The following PDZRN3 variants were observed in gnomAD, a reference collection of about 807,000 sequenced individuals.
PDZRN3 encodes E3 ubiquitin-protein ligase PDZRN3.
Under a neutral mutation model 85.7 loss-of-function variants are expected in PDZRN3, and 38 were observed. That is an observed-to-expected ratio of 0.44 (90% CI 0.34 to 0.58). PDZRN3 has a LOEUF of 0.58. Among genes scored for constraint, PDZRN3 ranks in the 20% least tolerant of loss-of-function variants. The probability of loss-of-function intolerance (pLI) is 0.01; values close to 1 mark genes in which losing one functional copy is unlikely to be tolerated. For missense variants in PDZRN3, 1,629 were observed against 1,506.4 expected (o/e 1.08, Z -1.35); for synonymous variants, 759 against 638.0 (o/e 1.19, Z -2.86).
intron 3 of PDZRN3, among the ~76,000 whole-genome samples, chr3:73,465,543 A>C (rs1703195789): frequency 1.3e-5 from 2 of 152,246 alleles, no homozygotes; most frequent in African/African-American, 4.8e-5. Context: ...AAGGGACAGA[A>C]GTTGATGAAC....
chr3:73,505,218 C>T (rs1050706908), intron 3 of PDZRN3, among the ~76,000 whole-genome samples: 1 of 152,176 alleles, frequency 6.6e-6, no homozygotes, highest in Non-Finnish European at 1.5e-5. Context: ...TAACTGGTTA[C>T]CCACGAATAA....
intron 3 of PDZRN3, among the ~76,000 whole-genome samples, chr3:73,409,633 A>G (rs1461445548): frequency 6.6e-6 from 1 of 152,114 alleles, no homozygotes; most frequent in East Asian, 1.9e-4. Context: ...CGAGTGACTC[A>G]GAGACTACAC....
chr3:73,486,039 C>G (rs1436776419), intron 3 of PDZRN3, among the ~76,000 whole-genome samples: 3 of 152,184 alleles, frequency 2.0e-5, no homozygotes, highest in African/African-American at 7.2e-5. Context: ...TGCGGCTGAG[C>G]AGATTTTGTG....
chr3:73,462,394 A>C (rs182246352), intron 3 of PDZRN3, among the ~76,000 whole-genome samples: 171 of 152,112 alleles, frequency 1.1e-3, no homozygotes, highest in African/African-American at 4.0e-3. Flanking sequence ...ATACAAAAAA[A>C]ATTAGCCAGG....
chr3:73,564,952 T>G (rs1416316914), intron 3 of PDZRN3, among the ~76,000 whole-genome samples: 1 of 152,188 alleles, frequency 6.6e-6, no homozygotes, highest in East Asian at 1.9e-4. Context: ...ATGATCATTC[T>G]CATCATCATT....
rs2106657350 is a variant in PDZRN3 at position 73,382,771 on chromosome 3, C to T, written c.*594G>A. The T allele has an allele frequency of 6.5e-6, 1 of 152,818 alleles. No individual in the cohort carries two copies. 9.5% of individuals were successfully genotyped at this position (152,818 alleles called of 1,614,324 possible). A position where few individuals can be genotyped will look rare whatever the true frequency, so the allele number is the denominator to read the frequency against. ...AAAACCTTTACACTCTCTTGGGAACCTTAACCAGGAAAATGTTTAAATGTA... is the reference window on the plus strand; with the variant it reads ...AAAACCTTTACACTCTCTTGGGAACTTTAACCAGGAAAATGTTTAAATGTA... On this transcript the variant is annotated 3_prime_UTR_variant, in exon 10 of 10. Transcript: ENST00000263666.
intron 1 of PDZRN3, among the ~76,000 whole-genome samples, chr3:73,618,460 TTAATCTTTCA>T (rs1702799211): frequency 6.6e-6 from 1 of 152,174 alleles, no homozygotes; most frequent in African/African-American, 2.4e-5. Context: ...ACTTCTAGCC[TTAATCTTTCA>T]TAATCTGCTA....
At chr3:73,560,780 A>G (rs912365257) in intron 3 of PDZRN3, among the ~76,000 whole-genome samples, 1 of 152,236 alleles carries the variant, frequency 6.6e-6, no homozygotes, top group African/African-American at 2.4e-5. Flanking sequence ...GCTGAGCCTC[A>G]TTCATGATCC....
At chr3:73,529,743 T>C (rs964410467) in intron 3 of PDZRN3, among the ~76,000 whole-genome samples, 3 of 152,224 alleles carry the variant, frequency 2.0e-5, no homozygotes, top group Admixed American at 2.0e-4. Flanking sequence ...ATCATCTTGA[T>C]TGACTTACTC....
intron 3 of PDZRN3, among the ~76,000 whole-genome samples, chr3:73,601,618 A>G (rs1702516655): frequency 6.6e-6 from 1 of 152,166 alleles, no homozygotes; most frequent in African/African-American, 2.4e-5. Context: ...AAACTTTGCA[A>G]CAAGAGCCCA....
At chr3:73,404,087 G>A (rs1575626405) in intron 4 of PDZRN3, 61 bp downstream of exon 4, 1 of 1,533,530 alleles carries the variant, frequency 6.5e-7, no homozygotes, top group African/African-American at 1.4e-5. Flanking sequence ...ACATAGAAGA[G>A]AAAGAAACCA....
intron 3 of PDZRN3, among the ~76,000 whole-genome samples, chr3:73,494,821 T>C (rs775301536): frequency 1.3e-5 from 2 of 152,226 alleles, no homozygotes; most frequent in African/African-American, 4.8e-5. Context: ...AAAAACATGA[T>C]TTCTGGTTCC....
intron 3 of PDZRN3, among the ~76,000 whole-genome samples, chr3:73,555,512 GTAT>G (rs1296193298): frequency 3.3e-5 from 5 of 152,152 alleles, no homozygotes; most frequent in Non-Finnish European, 7.4e-5. Flanking sequence ...TTTGTTAAAA[GTAT>G]TATTCTCTTT....
In PDZRN3 at chr3:73,388,082, A is replaced by G; in HGVS notation, c.1417-13T>C. ...CTATCCCATTAATCTTTTAAAAAAA[A>G]AGGGGGGGTGGGGAGAGTGGGGAGA... On this transcript the variant is annotated splice_polypyrimidine_tract_variant and intron_variant, in intron 7 of 9. Coordinates refer to ENST00000263666, the MANE Select transcript of PDZRN3 (RefSeq NM_015009.3). 9.6e-7 allele frequency: 1 copy of G among 1,042,814 alleles called. No individual in the cohort carries two copies. Among genetic ancestry groups the G allele is most frequent in the Non-Finnish European group, 1.4e-6 (1 of 702,536 alleles). 64.6% of individuals were successfully genotyped at this position (1,042,814 alleles called of 1,614,324 possible).
intron 3 of PDZRN3, among the ~76,000 whole-genome samples, chr3:73,517,835 C>T (rs775746331): frequency 7.2e-5 from 11 of 152,098 alleles, no homozygotes; most frequent in East Asian, 1.9e-4. Flanking sequence ...CTCACATGCA[C>T]GACTAAAATA....
chr3:73,382,603 A>C lies in PDZRN3; in HGVS notation c.*762T>G, dbSNP rs117555763. On this transcript the variant is annotated 3_prime_UTR_variant, in exon 10 of 10. Transcript: ENST00000263666. ...TGTACCTTCAAATCTACAAAGCAAA[A>C]GTTTACTACAATGAGCACTTAAAAT... 1 of 152,782 alleles carries C rather than the reference A, an allele frequency of 6.5e-6. No individual in the cohort carries two copies. The highest frequency in any genetic ancestry group is 1.9e-4 in the East Asian group (1 of 5,182). The allele number at this position is 152,782 out of a possible 1,614,324, so 9.5% of individuals were successfully genotyped here. A position where few individuals can be genotyped will look rare whatever the true frequency, so the allele number is the denominator to read the frequency against.
chr3:73,414,731 A>G (rs556536433), intron 3 of PDZRN3, among the ~76,000 whole-genome samples: 7 of 152,360 alleles, frequency 4.6e-5, no homozygotes, highest in African/African-American at 1.7e-4. Context: ...TTGTTTTCCT[A>G]TAACAGTAAT....
chr3:73,568,963 G>C (rs1427113483), intron 3 of PDZRN3, among the ~76,000 whole-genome samples: 2 of 152,196 alleles, frequency 1.3e-5, no homozygotes, highest in Non-Finnish European at 2.9e-5. Flanking sequence ...TGAAATGATA[G>C]AGCCTTGCTG....
At chr3:73,558,501 A>T (rs1559737534) in intron 3 of PDZRN3, among the ~76,000 whole-genome samples, 1 of 152,162 alleles carries the variant, frequency 6.6e-6, no homozygotes, top group African/African-American at 2.4e-5. Context: ...AAACTAGATG[A>T]CTCATCCTTC....
Sources: gnomAD v4.1 joint callset for allele counts (sites outside exome capture counted in the v4.1 genomes callset) on GRCh38, gnomAD v4.1.1 for gene constraint, MANE v1.5 for transcripts, NCBI Gene and HGNC (gene_info 2026-07-23, HGNC 2026-07-21) for gene names.